The following MTHFD2L variants were observed in gnomAD, a reference collection of about 807,000 sequenced individuals.
The protein encoded by MTHFD2L is bifunctional methylenetetrahydrofolate dehydrogenase/cyclohydrolase 2, mitochondrial.
Under a neutral mutation model 34.9 loss-of-function variants are expected in MTHFD2L, and 29 were observed. That is an observed-to-expected ratio of 0.83 (90% CI 0.62 to 1.13). The LOEUF (loss-of-function observed/expected upper bound fraction) is 1.13, where lower values mean the gene tolerates loss of function less well. Among genes scored for constraint, MTHFD2L ranks in the 50% most tolerant of loss-of-function variants. The pLI, the probability that MTHFD2L is intolerant of heterozygous loss-of-function variation, is 0.00. For missense variants in MTHFD2L, 481 were observed against 446.5 expected, an observed-to-expected ratio of 1.08 and a Z score of -0.70; for synonymous variants, 167 against 155.7, an observed-to-expected ratio of 1.07 and a Z score of -0.54.
At chr4:74,280,854 A>G (rs1747364937) in intron 6 of MTHFD2L, among the ~76,000 whole-genome samples, 1 of 152,132 alleles carries the variant, frequency 6.6e-6, no homozygotes, top group South Asian at 2.1e-4. Context: ...AAGAAAGCTC[A>G]AGGTAGCACT....
chr4:74,201,810 C>T (rs1288919532), intron 5 of MTHFD2L, among the ~76,000 whole-genome samples: 1 of 152,076 alleles, frequency 6.6e-6, no homozygotes, highest in African/African-American at 2.4e-5. Context: ...ATAGGTTAAA[C>T]AAATAGTCAT....
chr4:74,215,136 G>A lies in MTHFD2L; in HGVS notation c.713-10166G>A, dbSNP rs370029979. Among the ~76,000 whole-genome samples, 29 of 151,822 alleles carry A rather than the reference G, an allele frequency of 1.9e-4. 1 individual carries two copies. The highest frequency in any genetic ancestry group is 7.0e-4 in the African/African-American group (29 of 41,146). ...CAAGCTAGTGGGTCTTAGCTTGCTG[G>A]GCTCTGTAGGGTGGGATCCGCTGAA... is the stretch of plus-strand genomic sequence containing the variant. On this transcript the variant is annotated intron_variant, in intron 5 of 7. Coordinates refer to ENST00000325278, the MANE Select transcript of MTHFD2L (RefSeq NM_001144978.3).
At chr4:74,290,311 A>G (rs1164941509) in intron 7 of MTHFD2L, among the ~76,000 whole-genome samples, 1 of 152,178 alleles carries the variant, frequency 6.6e-6, no homozygotes, top group Non-Finnish European at 1.5e-5. Context: ...GTGCTTTGTA[A>G]GCAGCTTTCT....
chr4:74,259,147 T>C (rs1744381443), intron 6 of MTHFD2L, among the ~76,000 whole-genome samples: 1 of 152,052 alleles, frequency 6.6e-6, no homozygotes, highest in African/African-American at 2.4e-5. Flanking sequence ...AACACAAGGC[T>C]CTCTCTCAGA....
In MTHFD2L at chr4:74,253,571, T is replaced by C. The variant is rs371449202; in HGVS notation, c.806-27854T>C. 3.3e-5 allele frequency among the ~76,000 whole-genome samples: 5 copies of C among 152,198 alleles called. No individual in the cohort carries two copies. The South Asian group carries it at 6.2e-4, about 19-fold the overall frequency. On this transcript the variant is annotated intron_variant, in intron 6 of 7. Transcript: ENST00000325278. ...GAGTGAAGTGAGCCCTCAACTTCAC[T>C]GCAAATCGCAGCACCAACCTCACCC...
At chr4:74,301,428 A>C (rs1462431027) in intron 7 of MTHFD2L, among the ~76,000 whole-genome samples, 3 of 151,994 alleles carry the variant, frequency 2.0e-5, no homozygotes, top group Admixed American at 1.3e-4. Context: ...ATTATGTAAA[A>C]CAAACTGAGC....
Position 74,158,208 on chromosome 4 carries a change from A to G in MTHFD2L, c.70A>G (p.Ser24Gly), listed in dbSNP as rs1353574820. 2 of 1,519,222 alleles carry G rather than the reference A, an allele frequency of 1.3e-6. No homozygotes were observed. The highest frequency in any genetic ancestry group is 1.8e-6 in the Non-Finnish European group (2 of 1,133,636). The allele number at this position is 1,519,222 out of a possible 1,614,324, so 94.1% of individuals were successfully genotyped here. The stretch of plus-strand genomic sequence containing the variant: ...TGGCCGAGCGCCGGCGTTGGGCAGA[A>G]GCACAGCACCCTCCGTAAGGGCACC... ...RLGRAPALGR[S>G]TAPSVRAPGE... Residue 24 changes from serine to glycine, a missense_variant, in exon 1 of 8, where the codon AGC becomes GGC. Ser to Gly is a moderately conservative substitution (Grantham distance 56). Coordinates refer to ENST00000325278, the MANE Select transcript of MTHFD2L (RefSeq NM_001144978.3).
intron 1 of MTHFD2L, among the ~76,000 whole-genome samples, chr4:74,162,628 TAGTC>T (rs1725707988): frequency 6.6e-6 from 1 of 152,136 alleles, no homozygotes. Context: ...AAGGAGCTCT[TAGTC>T]AGTGGTAAGC....
At chr4:74,155,290 G>A (rs371356535), upstream of MTHFD2L, among the ~76,000 whole-genome samples, 33 of 152,164 alleles carry the variant, frequency 2.2e-4, no homozygotes, top group South Asian at 8.3e-4. Context: ...CCACCAACCT[G>A]CTAAATAATG....
upstream of MTHFD2L, among the ~76,000 whole-genome samples, chr4:74,122,054 C>G (rs1292058653): frequency 2.6e-5 from 4 of 152,114 alleles, no homozygotes; most frequent in African/African-American, 9.7e-5. Context: ...GTTACAGCAG[C>G]CCTAGCAAAC....
intron 7 of MTHFD2L, among the ~76,000 whole-genome samples, chr4:74,293,283 G>T (rs539946345): frequency 6.6e-4 from 101 of 152,234 alleles, no homozygotes; most frequent in African/African-American, 2.4e-3. Context: ...TTATAAGTGA[G>T]AGCATGCAGT....
At chr4:74,197,531 G>T (rs918631998) in intron 3 of MTHFD2L, among the ~76,000 whole-genome samples, 1 of 152,060 alleles carries the variant, frequency 6.6e-6, no homozygotes, top group African/African-American at 2.4e-5. Flanking sequence ...GTCTTATTAG[G>T]AGTTGGGAGG....
chr4:74,116,443 G>GA (rs551370595), intron 2 of MTHFD2L, among the ~76,000 whole-genome samples: 74 of 151,804 alleles, frequency 4.9e-4, no homozygotes, highest in African/African-American at 1.6e-3. Context: ...CAGAGTGAGA[G>GA]AAAAAAAAGC....
chr4:74,238,394 TAGA>T (rs1741164716), intron 6 of MTHFD2L, among the ~76,000 whole-genome samples: 2 of 152,162 alleles, frequency 1.3e-5, no homozygotes, highest in South Asian at 2.1e-4. Context: ...ATAAAAACCC[TAGA>T]AGAAAACCTA....
intron 5 of MTHFD2L, among the ~76,000 whole-genome samples, chr4:74,212,044 T>A (rs1736413076): frequency 6.6e-6 from 1 of 152,196 alleles, no homozygotes; most frequent in Non-Finnish European, 1.5e-5. Flanking sequence ...CCCTTTATCA[T>A]TTTTTGTTGT....
upstream of MTHFD2L, among the ~76,000 whole-genome samples, chr4:74,154,178 C>A (rs753080005): frequency 6.6e-6 from 1 of 152,102 alleles, no homozygotes; most frequent in Non-Finnish European, 1.5e-5. Flanking sequence ...AGGAAGATTG[C>A]AGAGGTAAAG....
intron 1 of MTHFD2L, among the ~76,000 whole-genome samples, chr4:74,128,627 A>G (rs1444201082): frequency 1.3e-5 from 2 of 151,952 alleles, no homozygotes; most frequent in Non-Finnish European, 2.9e-5. Flanking sequence ...CCTTTGTAGT[A>G]TGTTTTAAAG....
intron 6 of MTHFD2L, among the ~76,000 whole-genome samples, chr4:74,270,069 GT>G (rs955737654): frequency 2.0e-5 from 3 of 151,964 alleles, no homozygotes; most frequent in African/African-American, 4.8e-5. Flanking sequence ...ACACAATGGG[GT>G]TTTTAGGTAT....
intron 5 of MTHFD2L, among the ~76,000 whole-genome samples, chr4:74,212,687 A>C (rs1736542081): frequency 6.6e-6 from 1 of 152,198 alleles, no homozygotes; most frequent in South Asian, 2.1e-4. Context: ...TGGGGTGGAA[A>C]GTTTTGTAGA....
Sources: allele counts gnomAD v4.1 joint callset (sites outside exome capture counted in the v4.1 genomes callset), GRCh38; gene constraint gnomAD v4.1.1; transcripts MANE v1.5; gene names NCBI Gene and HGNC (gene_info 2026-07-23, HGNC 2026-07-21).